STK32A: variants seen among roughly 807,000 people sequenced by gnomAD.
STK32A encodes the protein serine/threonine kinase 32A.
A neutral mutation model predicts 53.2 loss-of-function variants in STK32A; 41 were observed. The ratio of observed to expected loss-of-function variants is 0.77; its 90% CI spans 0.60 to 1.00. The LOEUF is 1.00. STK32A is among the 50% of genes least tolerant of loss of function. The probability of loss-of-function intolerance (pLI) is 0.00; values close to 1 mark genes in which losing one functional copy is unlikely to be tolerated. For synonymous variants in STK32A, 166 were observed against 162.8 expected, an observed-to-expected ratio of 1.02 and a Z score of -0.15; for missense variants, 458 against 485.8, an observed-to-expected ratio of 0.94 and a Z score of 0.54.
At position 147,278,124 on chromosome 5, in the gene STK32A, T is replaced by TCAA; in HGVS notation, c.55_57dup (p.Asn19dup). On this transcript the variant is annotated inframe_insertion and splice_region_variant, in exon 3 of 13. Transcript: ENST00000397936. ...GATATTCTTCTTTTTTGTTTTACAG[T>TCAA]CAACTTTGACCACTTTGAAATTTTG... 1.3e-6 allele frequency: 2 copies of TCAA among 1,591,116 alleles called. No homozygotes were observed. Among genetic ancestry groups the TCAA allele is most frequent in the Non-Finnish European group, 1.7e-6 (2 of 1,167,592 alleles).
the STK32A span, among the ~76,000 whole-genome samples, chr5:147,399,969 C>G: frequency 4.6e-5 from 7 of 152,132 alleles, no homozygotes; most frequent in Non-Finnish European, 8.8e-5. Context: ...TCTGAGCTTC[C>G]TGGGAGCAAA....
At chr5:147,291,293 C>T (rs1752586473) in intron 4 of STK32A, among the ~76,000 whole-genome samples, 1 of 152,030 alleles carries the variant, frequency 6.6e-6, no homozygotes, top group African/African-American at 2.4e-5. Context: ...AAGTCTTATT[C>T]CCAGATGGTC....
chr5:147,362,434 T>C (rs1374757964), intron 8 of STK32A, among the ~76,000 whole-genome samples: 1 of 152,194 alleles, frequency 6.6e-6, no homozygotes, highest in Non-Finnish European at 1.5e-5. Context: ...CTTATAAGTC[T>C]ACTAATCCCA....
At chr5:147,361,446 G>T in intron 7 of STK32A, 71 bp from the exon 8 acceptor site, 1 of 1,008,718 alleles carries the variant, frequency 9.9e-7, no homozygotes. Flanking sequence ...CTCCTTTGGA[G>T]GAACATGTTG....
intron 4 of STK32A, among the ~76,000 whole-genome samples, chr5:147,291,295 C>T (rs1408236447): frequency 1.3e-5 from 2 of 152,082 alleles, no homozygotes; most frequent in South Asian, 2.1e-4. Context: ...GTCTTATTCC[C>T]AGATGGTCCT....
At chr5:147,376,087 C>T (rs921876556) in intron 11 of STK32A, among the ~76,000 whole-genome samples, 3 of 152,086 alleles carry the variant, frequency 2.0e-5, no homozygotes, top group African/African-American at 4.8e-5. Flanking sequence ...AGTGCTGTCC[C>T]TTTTCTCAAA....
At chr5:147,369,501 A>G (rs930204184) in intron 8 of STK32A, among the ~76,000 whole-genome samples, 1 of 152,146 alleles carries the variant, frequency 6.6e-6, no homozygotes, top group African/African-American at 2.4e-5. Flanking sequence ...ATCTCCTTTA[A>G]TTTTTCCAGC....
intron 4 of STK32A, among the ~76,000 whole-genome samples, chr5:147,293,231 C>T (rs926689604): frequency 2.6e-5 from 4 of 152,144 alleles, no homozygotes; most frequent in African/African-American, 7.2e-5. Context: ...TAGCATACAA[C>T]AACTTGACAT....
intron 4 of STK32A, among the ~76,000 whole-genome samples, chr5:147,279,682 G>A (rs181194345): frequency 2.5e-4 from 38 of 152,306 alleles, no homozygotes; most frequent in Non-Finnish European, 4.6e-4. Flanking sequence ...TAACCAAGGG[G>A]TGAAACATTC....
the STK32A span, among the ~76,000 whole-genome samples, chr5:147,396,963 T>TG: frequency 6.7e-6 from 1 of 148,206 alleles, no homozygotes; most frequent in Admixed American, 6.8e-5. Flanking sequence ...CGCATTTTTG[T>TG]TTTTAATTAT....
At position 147,375,142 on chromosome 5, in the gene STK32A, A is replaced by G. The variant is rs763053530; in HGVS notation, c.956A>G (p.Glu319Gly). ...PTFELEEMIL[E>G]SKPLHKKKKR... The stretch of plus-strand genomic sequence containing the variant: ...TTTGAACTTGAGGAAATGATTTTGG[A>G]GTCCAAACCTCTACATAAGAAAAAA... Residue 319 changes from glutamate to glycine, a missense_variant, in exon 11 of 13, where the codon GAG becomes GGG. Physicochemically the swap from Glu to Gly is moderately conservative, Grantham distance 98. Coordinates refer to ENST00000397936, the MANE Select transcript of STK32A (RefSeq NM_001112724.2). 3 of 1,608,920 alleles carry G rather than the reference A, an allele frequency of 1.9e-6. No individual in the cohort carries two copies. The highest frequency in any genetic ancestry group is 2.5e-6 in the Non-Finnish European group (3 of 1,178,058).
chr5:147,304,234 G>A (rs1225007113), intron 4 of STK32A, among the ~76,000 whole-genome samples: 4 of 152,154 alleles, frequency 2.6e-5, no homozygotes, highest in East Asian at 1.9e-4. Flanking sequence ...AATCCAACTG[G>A]CCTTGCTCAG....
chr5:147,289,180 C>T (rs1417084018), intron 4 of STK32A, among the ~76,000 whole-genome samples: 1 of 152,058 alleles, frequency 6.6e-6, no homozygotes, highest in African/African-American at 2.4e-5. Context: ...TTTCTATCCT[C>T]ATTCTGCAAA....
chr5:147,318,441 C>T (rs1241617360), intron 4 of STK32A, among the ~76,000 whole-genome samples: 3 of 151,464 alleles, frequency 2.0e-5, no homozygotes, highest in Non-Finnish European at 4.4e-5. Flanking sequence ...CACAGTTTTT[C>T]GAGTGTATCC....
intron 4 of STK32A, among the ~76,000 whole-genome samples, chr5:147,296,906 T>C (rs1474640504): frequency 6.6e-6 from 1 of 152,158 alleles, no homozygotes; most frequent in African/African-American, 2.4e-5. Context: ...ACTGACATCA[T>C]TGTGAAGCTC....
At chr5:147,250,553 G>A (rs1233633991) in intron 2 of STK32A, among the ~76,000 whole-genome samples, 1 of 152,164 alleles carries the variant, frequency 6.6e-6, no homozygotes, top group Non-Finnish European at 1.5e-5. Context: ...ATGGGAGTAG[G>A]CAACATGGAG....
At chr5:147,355,808 AT>A (rs1756210403) in intron 7 of STK32A, among the ~76,000 whole-genome samples, 14 of 151,606 alleles carry the variant, frequency 9.2e-5, no homozygotes, top group East Asian at 1.9e-4. Context: ...ATATATATAT[AT>A]ATAAATAAGT....
At chr5:147,333,015 C>T (rs1243924902) in intron 5 of STK32A, among the ~76,000 whole-genome samples, 1 of 152,154 alleles carries the variant, frequency 6.6e-6, no homozygotes, top group Admixed American at 6.5e-5. Flanking sequence ...AGGTTAATGG[C>T]TTCGTTAATA....
At chr5:147,383,573 G>A (rs112395045) in intron 12 of STK32A, 68 bp downstream of exon 12, 3 of 1,196,242 alleles carry the variant, frequency 2.5e-6, no homozygotes, top group African/African-American at 3.1e-5. Flanking sequence ...TTTACTTGCA[G>A]AGAAAATATA....
Sources: allele counts gnomAD v4.1 joint callset (sites outside exome capture counted in the v4.1 genomes callset), GRCh38; gene constraint gnomAD v4.1.1; transcripts MANE v1.5; gene names NCBI Gene and HGNC (gene_info 2026-07-23, HGNC 2026-07-21).